Variants in TRMT44 observed in about 807,000 individuals in gnomAD.
The protein encoded by TRMT44 is tRNA methyltransferase 44 homolog.
Under a neutral mutation model 77.3 loss-of-function variants are expected in TRMT44, and 78 were observed. The observed-to-expected ratio is 1.01, with a 90% CI of 0.84 to 1.22. TRMT44 has a LOEUF of 1.22. TRMT44 is among the 50% of genes most tolerant of loss of function. The pLI, the probability that TRMT44 is intolerant of heterozygous loss-of-function variation, is 0.00. For synonymous variants in TRMT44, 391 were observed against 383.3 expected (o/e 1.02, Z -0.23); for missense variants, 1,090 against 964.4 (o/e 1.13, Z -1.73).
chr4:8,491,923 A>G (rs111742977), intron 2 of TRMT44, among the ~76,000 whole-genome samples: 3,460 of 152,354 alleles, frequency 0.023, 72 homozygotes, highest in African/African-American at 0.053. Flanking sequence ...CAGAGGAGGC[A>G]CTGAGAGCGA....
the TRMT44 span, among the ~76,000 whole-genome samples, chr4:8,500,968 A>T: frequency 0.13 from 19,374 of 152,058 alleles, 1,246 homozygotes; most frequent in African/African-American, 0.15. Flanking sequence ...TGGGACCCCC[A>T]CCCTGTGCTG....
the TRMT44 span, among the ~76,000 whole-genome samples, chr4:8,507,821 A>T: frequency 6.6e-6 from 1 of 152,170 alleles, no homozygotes; most frequent in Non-Finnish European, 1.5e-5. Context: ...ATCCGGCAGC[A>T]GGCAGAGCCT....
At chr4:8,482,735 G>A (rs1261298716) in intron 2 of TRMT44, among the ~76,000 whole-genome samples, 1 of 151,982 alleles carries the variant, frequency 6.6e-6, no homozygotes, top group Non-Finnish European at 1.5e-5. Context: ...TTAAGGTGGG[G>A]CAGGGCATTT....
At position 8,476,384 on chromosome 4, in the gene TRMT44, T is replaced by G. The variant is rs1727390238; in HGVS notation, c.*383T>G. 1 of 231,076 alleles carries G rather than the reference T, an allele frequency of 4.3e-6. No individual in the cohort carries two copies. 14.3% of individuals were successfully genotyped at this position (231,076 alleles called of 1,614,324 possible). On this transcript the variant is annotated 3_prime_UTR_variant, in exon 11 of 11. Coordinates refer to ENST00000389737, the MANE Select transcript of TRMT44 (RefSeq NM_152544.3). ...ACCATGTCCACATCTGTGAAGAGGATGGGGCTCCTCGAGAAGTAAGACCGT... is the reference window on the plus strand; with the variant it reads ...ACCATGTCCACATCTGTGAAGAGGAGGGGGCTCCTCGAGAAGTAAGACCGT...
At chr4:8,462,977 A>T (rs1726265971) in intron 6 of TRMT44, among the ~76,000 whole-genome samples, 1 of 152,250 alleles carries the variant, frequency 6.6e-6, no homozygotes. Context: ...GTATTTTAAC[A>T]TCTATGTAAG....
Position 8,464,037 on chromosome 4 carries a change from T to C in TRMT44, c.1256T>C (p.Leu419Ser). The change falls in exon 7 of 11, where the codon TTA becomes TCA. Residue 419 changes from leucine to serine, a missense_variant. Leu to Ser is a moderately radical substitution (Grantham distance 145). Coordinates refer to ENST00000389737, the MANE Select transcript of TRMT44 (RefSeq NM_152544.3). ...DKTLFPDVDW[L>S]IGNHSDELTP... ...ACCCTTTTCCCTGATGTTGATTGGTTAATCGGTAACCATTCTGATGAACTC... is the reference window on the plus strand; with the variant it reads ...ACCCTTTTCCCTGATGTTGATTGGTCAATCGGTAACCATTCTGATGAACTC... 6.2e-7 allele frequency: 1 copy of C among 1,614,168 alleles called. No individual in the cohort carries two copies. Among genetic ancestry groups the C allele is most frequent in the Non-Finnish European group, 8.5e-7 (1 of 1,180,024 alleles).
Position 8,441,365 on chromosome 4 carries a change from G to T in TRMT44, c.543G>T (p.Val181=). The change falls in exon 1 of 11, where the codon GTG becomes GTT. Residue 181 remains valine (V), a synonymous_variant. Transcript: ENST00000389737. The part of the protein sequence containing the change: ...SQPEAQRELD[V]VLRTVIPKTS... ...CAGAGGCGCAGCGTGAGCTCGACGTGGTTCTCAGAACCGTCATCCCGAAAA... is the reference window on the plus strand; with the variant it reads ...CAGAGGCGCAGCGTGAGCTCGACGTTGTTCTCAGAACCGTCATCCCGAAAA... The T allele has an allele frequency of 6.5e-7, 1 of 1,534,602 alleles. No homozygotes were observed. The highest frequency in any genetic ancestry group is 1.2e-5 in the South Asian group (1 of 83,618).
chr4:8,508,487 C>T, the TRMT44 span, among the ~76,000 whole-genome samples: 1 of 152,190 alleles, frequency 6.6e-6, no homozygotes, highest in Non-Finnish European at 1.5e-5. Flanking sequence ...CCACCTCGTC[C>T]CCTCTGCTGG....
At position 8,440,960 on chromosome 4, in the gene TRMT44, C is replaced by G. The variant is rs1184398120; in HGVS notation, c.138C>G (p.Arg46=). The part of the protein sequence containing the change: ...KRLCGARLEA[R]WSAALPCAEA... ...TTTGCGGCGCCCGCCTGGAGGCCCG[C>G]TGGAGCGCCGCCCTGCCCTGCGCGG... Residue 46 remains arginine, a synonymous_variant, in exon 1 of 11, where the codon CGC becomes CGG. Transcript: ENST00000389737. 10 of 1,529,148 alleles carry G rather than the reference C, an allele frequency of 6.5e-6. No homozygotes were observed. The South Asian group carries it at 1.2e-4, about 18-fold the overall frequency. The allele number at this position is 1,529,148 out of a possible 1,614,324, so 94.7% of individuals were successfully genotyped here.
intron 2 of TRMT44, among the ~76,000 whole-genome samples, chr4:8,486,793 A>AAACT (rs1327082959): frequency 6.6e-6 from 1 of 152,198 alleles, no homozygotes; most frequent in Non-Finnish European, 1.5e-5. Context: ...TCACGGAATG[A>AAACT]AACTGTAAAC....
intron 6 of TRMT44, among the ~76,000 whole-genome samples, chr4:8,463,187 T>C (rs555928336): frequency 1.1e-4 from 16 of 152,336 alleles, no homozygotes; most frequent in Admixed American, 9.1e-4. Context: ...GGACTCATCC[T>C]ACCACTGGAA....
At chr4:8,442,897 G>A (rs969361382) in intron 1 of TRMT44, among the ~76,000 whole-genome samples, 1 of 152,192 alleles carries the variant, frequency 6.6e-6, no homozygotes, top group South Asian at 2.1e-4. Context: ...ATGGAGTTAG[G>A]CCGGGCTCAC....
chr4:8,441,500 C>G, intron 1 of TRMT44, 59 bp downstream of exon 1: 1 of 1,430,002 alleles, frequency 7.0e-7, no homozygotes, highest in Non-Finnish European at 9.2e-7. Flanking sequence ...CATAGAACCT[C>G]GGGTCAATGA....
chr4:8,464,231 G>T, intron 7 of TRMT44, 140 bp downstream of exon 7: 1 of 619,966 alleles, frequency 1.6e-6, no homozygotes, highest in Non-Finnish European at 2.9e-6. Flanking sequence ...TGAAATGTTT[G>T]CTTATTGCCT....
the TRMT44 span, among the ~76,000 whole-genome samples, chr4:8,511,432 A>T: frequency 6.6e-6 from 1 of 152,160 alleles, no homozygotes; most frequent in African/African-American, 2.4e-5. Context: ...ACCTGTACTT[A>T]GGACCTTACA....
chr4:8,453,645 AG>A (rs1725601120), intron 5 of TRMT44: 1 of 152,332 alleles, frequency 6.6e-6, no homozygotes, highest in African/African-American at 2.4e-5. Context: ...GCACCTGCCC[AG>A]GTAGCACGGT....
intron 2 of TRMT44, among the ~76,000 whole-genome samples, chr4:8,492,436 C>T (rs1728035628): frequency 6.6e-6 from 1 of 152,194 alleles, no homozygotes; most frequent in South Asian, 2.1e-4. Flanking sequence ...ACTAACCTAA[C>T]CGACTCCATC....
intron 6 of TRMT44, among the ~76,000 whole-genome samples, chr4:8,462,747 A>G (rs749098522): frequency 1.3e-5 from 2 of 152,182 alleles, no homozygotes; most frequent in Non-Finnish European, 2.9e-5. Context: ...AAAACTTCAT[A>G]AAACAGGTGG....
At chr4:8,494,485 G>A (rs1263935342), downstream of TRMT44, among the ~76,000 whole-genome samples, 1 of 152,230 alleles carries the variant, frequency 6.6e-6, no homozygotes, top group Admixed American at 6.5e-5. Flanking sequence ...TGTATTCAGT[G>A]AAAGACTGAT....
Sources: allele counts gnomAD v4.1 joint callset (sites outside exome capture counted in the v4.1 genomes callset), GRCh38; gene constraint gnomAD v4.1.1; transcripts MANE v1.5; gene names NCBI Gene and HGNC (gene_info 2026-07-23, HGNC 2026-07-21).